Variants in UTP20 observed in about 807,000 individuals in gnomAD.
The protein encoded by UTP20 is UTP20 small subunit processome component, also known as small subunit processome component 20 homolog.
Under a neutral mutation model 329.5 loss-of-function variants are expected in UTP20, and 164 were observed. The ratio of observed to expected loss-of-function variants is 0.50; its 90% CI spans 0.44 to 0.57. The LOEUF is 0.57. Ranked by LOEUF, UTP20 falls within the 20% of genes least tolerant of loss-of-function variation. The probability of loss-of-function intolerance (pLI) is 0.00; values close to 1 mark genes in which losing one functional copy is unlikely to be tolerated. For missense variants in UTP20, 3,055 were observed against 3,284.2 expected, an observed-to-expected ratio of 0.93 and a Z score of 1.71; for synonymous variants, 1,151 against 1,159.3, an observed-to-expected ratio of 0.99 and a Z score of 0.14.
intron 41 of UTP20, among the ~76,000 whole-genome samples, chr12:101,356,242 T>C (rs1479874658): frequency 6.6e-6 from 1 of 152,212 alleles, no homozygotes; most frequent in African/African-American, 2.4e-5. Flanking sequence ...TTCTCCTGCC[T>C]CAGCCTCCCA....
intron 56 of UTP20, among the ~76,000 whole-genome samples, chr12:101,378,427 G>A (rs570156095): frequency 2.0e-5 from 3 of 152,072 alleles, no homozygotes; most frequent in Admixed American, 1.3e-4. Context: ...ACTCACTTTA[G>A]AAAATGTAAC....
At chr12:101,333,788 C>T (rs1371063393) in intron 28 of UTP20, among the ~76,000 whole-genome samples, 1 of 152,204 alleles carries the variant, frequency 6.6e-6, no homozygotes, top group Non-Finnish European at 1.5e-5. Context: ...CTCAGCCTCC[C>T]AAGTAGCTGG....
chr12:101,306,746 T>G lies in UTP20; in HGVS notation c.1980T>G (p.Leu660=). Residue 660 remains leucine (L), a synonymous_variant, in exon 17 of 62, where the codon CTT becomes CTG. Coordinates refer to ENST00000261637, the MANE Select transcript of UTP20 (RefSeq NM_014503.3). Reference sequence around the variant, plus strand: ...TCCTAAACCATTTTGATGTCCAGCTTCCAGAATCAATGGAGGTATTTTAAC... The same window carrying G: ...TCCTAAACCATTTTGATGTCCAGCTGCCAGAATCAATGGAGGTATTTTAAC... ...IRILNHFDVQ[L]PESMEDDGLS... 1 of 1,606,108 alleles carries G rather than the reference T, an allele frequency of 6.2e-7. No homozygotes were observed. Among genetic ancestry groups the G allele is most frequent in the Non-Finnish European group, 8.5e-7 (1 of 1,175,574 alleles).
chr12:101,373,857 T>C (rs1565808194), intron 54 of UTP20, 90 bp downstream of exon 54: 3 of 1,408,340 alleles, frequency 2.1e-6, no homozygotes, highest in South Asian at 2.6e-5. Context: ...CACTGTTGAA[T>C]TGGTTTTTTT....
intron 5 of UTP20, 33 bp downstream of exon 5, chr12:101,286,542 A>T: frequency 6.8e-7 from 1 of 1,469,578 alleles, no homozygotes. Flanking sequence ...ATGTTTTTTA[A>T]TTGCCTGCTT....
rs749453497 is a variant in UTP20, at chr12:101,386,038, A to G, written c.8273A>G (p.Lys2758Arg). Reference sequence around the variant, plus strand: ...CACAAAAATAAAAGTGAAGCAAAGAAGAGAAAGATAGAGTTCCTGCGTCCA... The same window carrying G: ...CACAAAAATAAAAGTGAAGCAAAGAGGAGAAAGATAGAGTTCCTGCGTCCA... ...KKHKNKSEAK[K>R]RKIEFLRPGY... The change falls in exon 62 of 62, where the codon AAG becomes AGG. Residue 2758 changes from lysine (K) to arginine (R), a missense_variant. By Grantham distance (26) the Lys-to-Arg change is conservative. Transcript: ENST00000261637. 6.2e-7 allele frequency: 1 copy of G among 1,610,316 alleles called. No homozygotes were observed. The highest frequency in any genetic ancestry group is 8.5e-7 in the Non-Finnish European group (1 of 1,179,348).
At chr12:101,301,346 C>A (rs1020213100) in intron 14 of UTP20, among the ~76,000 whole-genome samples, 1 of 37,288 alleles carries the variant, frequency 2.7e-5, no homozygotes, top group Non-Finnish European at 4.3e-5. Flanking sequence ...ATAGTGAGAG[C>A]CCCCCCCGCC....
chr12:101,290,632 C>T (rs1872111837), intron 7 of UTP20, 101 bp from the exon 8 acceptor site: 3 of 1,338,942 alleles, frequency 2.2e-6, no homozygotes, highest in Non-Finnish European at 3.0e-6. Context: ...TATTCCAGAC[C>T]TGATTTTTAA....
rs149854184 is a variant in UTP20, at chr12:101,352,123, G to A, written c.4953G>A (p.Ala1651=). 1.2e-4 allele frequency: 191 copies of A among 1,613,922 alleles called. No individual in the cohort carries two copies. Among genetic ancestry groups the A allele is most frequent in the Admixed American group, 7.5e-4 (45 of 59,990 alleles). The stretch of plus-strand genomic sequence containing the variant: ...TTTGCAAACATCTCTCTTGGTCAGC[G>A]TATATGTATTACTTGAAACATTTCA... ...GAICKHLSWS[A]YMYYLKHFIH... is the part of the protein sequence containing the mutation. The change falls in exon 39 of 62, where the codon GCG becomes GCA. Residue 1651 remains alanine, a synonymous_variant. Transcript: ENST00000261637.
At chr12:101,381,026 C>T (rs893831275) in intron 57 of UTP20, 114 bp from the exon 58 acceptor site, 1 of 849,312 alleles carries the variant, frequency 1.2e-6, no homozygotes. Context: ...TACAGGTGGT[C>T]ATTCAGAGCA....
chr12:101,313,541 C>T (rs1160640931), intron 21 of UTP20, among the ~76,000 whole-genome samples: 1 of 151,952 alleles, frequency 6.6e-6, no homozygotes, highest in African/African-American at 2.4e-5. Flanking sequence ...AGTAGAGAGA[C>T]CAGTCATGAG....
intron 30 of UTP20, 28 bp downstream of exon 30, chr12:101,338,305 C>G: frequency 6.2e-7 from 1 of 1,600,370 alleles, no homozygotes; most frequent in Non-Finnish European, 8.6e-7. Context: ...GCAGATAATT[C>G]TTAGACTTCT....
In UTP20 at chr12:101,373,393, T is replaced by C. The variant is rs1461716033; in HGVS notation, c.6879-8T>C. 1.9e-6 allele frequency: 3 copies of C among 1,613,186 alleles called. No homozygotes were observed. Among genetic ancestry groups the C allele is most frequent in the Non-Finnish European group, 2.5e-6 (3 of 1,179,254 alleles). Reference sequence around the variant, plus strand: ...TACTAACAAATCCACCTAATGTCCTTCCCCTAGTTACGAACATGAGACCGG... The same window carrying C: ...TACTAACAAATCCACCTAATGTCCTCCCCCTAGTTACGAACATGAGACCGG... On this transcript the variant is annotated splice_region_variant and splice_polypyrimidine_tract_variant and intron_variant, in intron 52 of 61. Coordinates refer to ENST00000261637, the MANE Select transcript of UTP20 (RefSeq NM_014503.3).
chr12:101,333,065 A>C (rs1398320883), intron 27 of UTP20, among the ~76,000 whole-genome samples: 1 of 152,232 alleles, frequency 6.6e-6, no homozygotes, highest in African/African-American at 2.4e-5. Context: ...TCTTAAGGAT[A>C]ACTAGTGTGA....
At chr12:101,344,834 A>G in intron 36 of UTP20, 84 bp downstream of exon 36, 2 of 1,260,202 alleles carry the variant, frequency 1.6e-6, no homozygotes, top group Non-Finnish European at 2.2e-6. Flanking sequence ...TGTATAGAAA[A>G]GTAGTCAGGC....
chr12:101,295,572 G>A lies in UTP20; in HGVS notation c.1344G>A (p.Lys448=). 6.2e-7 allele frequency: 1 copy of A among 1,613,604 alleles called. No homozygotes were observed. The highest frequency in any genetic ancestry group is 8.5e-7 in the Non-Finnish European group (1 of 1,179,890). ...VKDEALAILA[K]LILNKAAPPT... is the part of the protein sequence containing the mutation. ...ATGAAGCTCTGGCCATTCTGGCCAA[G>A]CTCATTCTGAACAAAGCAGCACCTC... The change falls in exon 12 of 62, where the codon AAG becomes AAA. Residue 448 remains lysine (K), a synonymous_variant. Coordinates refer to ENST00000261637, the MANE Select transcript of UTP20 (RefSeq NM_014503.3).
At chr12:101,337,789 G>T (rs1202006694) in intron 29 of UTP20, among the ~76,000 whole-genome samples, 1 of 152,102 alleles carries the variant, frequency 6.6e-6, no homozygotes, top group Non-Finnish European at 1.5e-5. Context: ...TTTTTCATCT[G>T]TAATGTAGGG....
chr12:101,333,504 C>A, intron 28 of UTP20, 60 bp downstream of exon 28: 1 of 1,575,050 alleles, frequency 6.3e-7, no homozygotes, highest in South Asian at 1.2e-5. Flanking sequence ...ATTACTAACT[C>A]ACCAACATAG....
chr12:101,321,265 C>G (rs1470949184), intron 24 of UTP20, among the ~76,000 whole-genome samples: 2 of 152,068 alleles, frequency 1.3e-5, no homozygotes, highest in African/African-American at 4.8e-5. Flanking sequence ...TTGTATCATG[C>G]TTTTTTAAAC....
Sources: gnomAD v4.1 joint callset for allele counts (sites outside exome capture counted in the v4.1 genomes callset) on GRCh38, gnomAD v4.1.1 for gene constraint, MANE v1.5 for transcripts, NCBI Gene and HGNC (gene_info 2026-07-23, HGNC 2026-07-21) for gene names.